Variants in PIGK observed in about 807,000 individuals in gnomAD.
PIGK encodes GPI-anchor transamidase.
Under a neutral mutation model 50.6 loss-of-function variants are expected in PIGK, and 42 were observed. That is an observed-to-expected ratio of 0.83 (90% CI 0.65 to 1.07). The LOEUF (loss-of-function observed/expected upper bound fraction) is 1.07, where lower values mean the gene tolerates loss of function less well. PIGK is among the 50% of genes least tolerant of loss of function. PIGK has a pLI of 0.00. For synonymous variants in PIGK, 151 were observed against 156.0 expected (o/e 0.97, Z 0.24); for missense variants, 448 against 488.7 (o/e 0.92, Z 0.78).
chr1:77,115,630 C>T (rs564474138), intron 10 of PIGK, among the ~76,000 whole-genome samples: 24 of 152,110 alleles, frequency 1.6e-4, no homozygotes, highest in African/African-American at 4.6e-4. Context: ...GAACTGGTTA[C>T]ACTGGAAAAA....
chr1:77,128,965 G>GA, intron 9 of PIGK: 1 of 588,118 alleles, frequency 1.7e-6, no homozygotes, highest in South Asian at 2.0e-5. Flanking sequence ...CATGACTAGT[G>GA]AAAATTACAC....
intron 3 of PIGK, chr1:77,195,307 G>A (rs1020826145): frequency 1.5e-6 from 2 of 1,340,730 alleles, no homozygotes; most frequent in Admixed American, 1.7e-5. Flanking sequence ...AGGGAAGAAA[G>A]GCTGTTTTCA....
At chr1:77,162,116 A>G (rs867864717) in intron 6 of PIGK, among the ~76,000 whole-genome samples, 84 of 152,306 alleles carry the variant, frequency 5.5e-4, no homozygotes, top group African/African-American at 1.8e-3. Context: ...AGACAAACAT[A>G]CAACTACATT....
chr1:77,119,898 A>C (rs1411415389), intron 10 of PIGK, among the ~76,000 whole-genome samples: 1 of 110,764 alleles, frequency 9.0e-6, no homozygotes, highest in East Asian at 3.1e-4. Flanking sequence ...TCTATACGTT[A>C]TCTATCCATT....
At chr1:77,154,367 T>C in intron 9 of PIGK, 82 bp downstream of exon 9, 1 of 993,578 alleles carries the variant, frequency 1.0e-6, no homozygotes, top group Admixed American at 2.3e-5. Context: ...ACACCAACTT[T>C]TGCCTCTTAA....
At chr1:77,187,301 A>G (rs1460975956) in intron 3 of PIGK, among the ~76,000 whole-genome samples, 1 of 152,220 alleles carries the variant, frequency 6.6e-6, no homozygotes, top group Non-Finnish European at 1.5e-5. Flanking sequence ...CATAGCCAGG[A>G]TTCACAGGTC....
At chr1:77,155,388 A>C (rs1038812447) in intron 8 of PIGK, among the ~76,000 whole-genome samples, 4 of 152,226 alleles carry the variant, frequency 2.6e-5, no homozygotes, top group Non-Finnish European at 4.4e-5. Flanking sequence ...TCAGCAAAGC[A>C]TATAAAGTGT....
At chr1:77,122,000 A>G (rs978363969) in intron 10 of PIGK, among the ~76,000 whole-genome samples, 2 of 152,218 alleles carry the variant, frequency 1.3e-5, no homozygotes, top group Admixed American at 1.3e-4. Context: ...GTTTTCTGAA[A>G]TTAAATTTTA....
rs555698218 is a variant in PIGK at position 77,148,922 on chromosome 1, G to A, written c.986+5527C>T. 1.6e-4 allele frequency among the ~76,000 whole-genome samples: 25 copies of A among 152,118 alleles called. No homozygotes were observed. The South Asian group carries it at 4.6e-3, about 28-fold the overall frequency. ...AGTAGAGATGGGGTTTCACCATGTT[G>A]GCCAGAATGGTGTTGATCTCCTGAC... On this transcript the variant is annotated intron_variant, in intron 9 of 10. Transcript: ENST00000370812.
intron 9 of PIGK, among the ~76,000 whole-genome samples, chr1:77,127,525 C>T (rs1164856486): frequency 6.6e-6 from 1 of 152,006 alleles, no homozygotes; most frequent in African/African-American, 2.4e-5. Context: ...ATAGTGAGAC[C>T]CCATCACAAA....
chr1:77,160,390 G>A (rs1351598599), intron 8 of PIGK, among the ~76,000 whole-genome samples: 1 of 152,132 alleles, frequency 6.6e-6, no homozygotes, highest in Non-Finnish European at 1.5e-5. Context: ...TTCAGAATCT[G>A]AGAATTTACC....
intron 3 of PIGK, among the ~76,000 whole-genome samples, chr1:77,175,031 G>A (rs1655451401): frequency 6.6e-6 from 1 of 152,152 alleles, no homozygotes; most frequent in African/African-American, 2.4e-5. Context: ...ATATTTGAAA[G>A]AAGAAACCAT....
At chr1:77,100,660 A>C (rs908588049) in intron 10 of PIGK, among the ~76,000 whole-genome samples, 1 of 152,178 alleles carries the variant, frequency 6.6e-6, no homozygotes, top group African/African-American at 2.4e-5. Context: ...ATAGGGAAAG[A>C]GGTGGGAAAT....
intron 3 of PIGK, among the ~76,000 whole-genome samples, chr1:77,171,184 C>A (rs1433430863): frequency 2.0e-5 from 3 of 151,974 alleles, no homozygotes; most frequent in Non-Finnish European, 4.4e-5. Flanking sequence ...CGCCTGTAAT[C>A]CCAGCACTTT....
chr1:77,125,569 GTTAA>G (rs980269081), intron 9 of PIGK, among the ~76,000 whole-genome samples: 5 of 151,982 alleles, frequency 3.3e-5, no homozygotes, highest in Non-Finnish European at 7.4e-5. Flanking sequence ...TTGGTTCTAT[GTTAA>G]TTATTTTCAT....
At chr1:77,109,541 C>A (rs148992092) in intron 10 of PIGK, among the ~76,000 whole-genome samples, 1,554 of 152,276 alleles carry the variant, frequency 0.01, 21 homozygotes, top group African/African-American at 0.036. Context: ...CAGAAAAGGC[C>A]TTTGACAAAA....
At position 77,166,792 on chromosome 1, in the gene PIGK, C is replaced by T. The variant is rs1323975397; in HGVS notation, c.414G>A (p.Arg138=). ...TTGACCGAGGAGTACTAGGTGGGAT[C>T]CTCCCAGTTAATACCCGTAAAAAAT... ...VENFLRVLTG[R]IPPSTPRSKR... Residue 138 remains arginine, a synonymous_variant, in exon 5 of 11, where the codon AGG becomes AGA. Coordinates refer to ENST00000370812, the MANE Select transcript of PIGK (RefSeq NM_005482.3). The T allele has an allele frequency of 1.9e-6, 3 of 1,601,318 alleles. No individual in the cohort carries two copies. The highest frequency in any genetic ancestry group is 2.6e-6 in the Non-Finnish European group (3 of 1,172,162).
rs781745240 is a variant in PIGK at position 77,092,382 on chromosome 1, T to G, written c.1180A>C (p.Ile394Leu). ...KTYGIKHMKF[I>L]F ...TTCATTCATCATCAAGTCTAAAAAA[T>G]GAACTTCATATGCTTAATTCCATAA... The change falls in exon 11 of 11, where the codon ATT (isoleucine) becomes CTT (leucine). Residue 394 changes from isoleucine to leucine, a missense_variant. Physicochemically the swap from Ile to Leu is conservative, Grantham distance 5. Coordinates refer to ENST00000370812, the MANE Select transcript of PIGK (RefSeq NM_005482.3). 1.3e-6 allele frequency: 2 copies of G among 1,494,204 alleles called. No individual in the cohort carries two copies. Among genetic ancestry groups the G allele is most frequent in the East Asian group, 4.6e-5 (2 of 43,758 alleles). 92.6% of individuals were successfully genotyped at this position (1,494,204 alleles called of 1,614,324 possible). A position where few individuals can be genotyped will look rare whatever the true frequency, so the allele number is the denominator to read the frequency against.
At chr1:77,210,512 A>G (rs769738689) in intron 1 of PIGK, 23 bp from the exon 2 acceptor site, 2 of 1,515,934 alleles carry the variant, frequency 1.3e-6, no homozygotes, top group East Asian at 4.7e-5. Flanking sequence ...AAACAAATAG[A>G]AGAAAAAGGC....
Sources: gnomAD v4.1 joint callset for allele counts (sites outside exome capture counted in the v4.1 genomes callset) on GRCh38, gnomAD v4.1.1 for gene constraint, MANE v1.5 for transcripts, NCBI Gene and HGNC (gene_info 2026-07-23, HGNC 2026-07-21) for gene names.